Variants in FABP6 observed in about 807,000 individuals in gnomAD.
FABP6 encodes the protein gastrotropin.
A neutral mutation model predicts 14.9 loss-of-function variants in FABP6; 13 were observed. The ratio of observed to expected loss-of-function variants is 0.87; its 90% CI spans 0.57 to 1.39. The LOEUF (loss-of-function observed/expected upper bound fraction) is 1.39, where lower values mean the gene tolerates loss of function less well. FABP6 is among the 40% of genes most tolerant of loss of function. The probability of loss-of-function intolerance (pLI) is 0.00; values close to 1 mark genes in which losing one functional copy is unlikely to be tolerated. For synonymous variants in FABP6, 75 were observed against 63.6 expected, an observed-to-expected ratio of 1.18 and a Z score of -0.85; for missense variants, 161 against 167.2, an observed-to-expected ratio of 0.96 and a Z score of 0.20.
chr5:160,193,935 G>C (rs1010576044), intron 1 of FABP6, among the ~76,000 whole-genome samples: 2 of 152,250 alleles, frequency 1.3e-5, no homozygotes, highest in Non-Finnish European at 1.5e-5. Flanking sequence ...ACTGGGCGCC[G>C]TGGGGCAGGG....
intron 2 of FABP6, among the ~76,000 whole-genome samples, chr5:160,211,728 A>T (rs1759894592): frequency 6.6e-6 from 1 of 152,164 alleles, no homozygotes; most frequent in African/African-American, 2.4e-5. Context: ...GTTACTCCAT[A>T]CGTTTCCAAA....
At chr5:160,211,935 T>C (rs1759898999) in intron 2 of FABP6, among the ~76,000 whole-genome samples, 1 of 150,364 alleles carries the variant, frequency 6.7e-6, no homozygotes, top group Non-Finnish European at 1.5e-5. Context: ...ATATCTCAGA[T>C]AGAAAAACAA....
intron 1 of FABP6, 132 bp downstream of exon 1, chr5:160,229,756 C>A: frequency 1.4e-6 from 1 of 723,796 alleles, no homozygotes; most frequent in Non-Finnish European, 2.3e-6. Context: ...TTCATTCACA[C>A]ATTTGTTGAG....
At chr5:160,237,523 A>G (rs1760543355) in intron 3 of FABP6, among the ~76,000 whole-genome samples, 1 of 151,934 alleles carries the variant, frequency 6.6e-6, no homozygotes. Flanking sequence ...TAGACAGTGC[A>G]TTTTGTAAGC....
At chr5:160,197,136 T>A (rs1759525875) in intron 1 of FABP6, 1 of 152,228 alleles carries the variant, frequency 6.6e-6, no homozygotes, top group Non-Finnish European at 1.5e-5. Flanking sequence ...TGTGCAGCCC[T>A]CCACAGGGGC....
At chr5:160,207,880 C>T (rs1367867720) in intron 2 of FABP6, among the ~76,000 whole-genome samples, 9 of 152,056 alleles carry the variant, frequency 5.9e-5, no homozygotes, top group African/African-American at 1.9e-4. Flanking sequence ...CCTGCCACCA[C>T]GCCCAGCTAA....
In FABP6 at chr5:160,202,398, A is replaced by G. The variant is rs1214958688; in HGVS notation, c.51+3241A>G. Among the ~76,000 whole-genome samples, 3 of 152,206 alleles carry G rather than the reference A, an allele frequency of 2.0e-5. No individual in the cohort carries two copies. In the East Asian group the frequency reaches 5.8e-4, roughly 29 times the overall value. ...ACAATACCCCATGTACCCACAGCCCAGCTCCATACTGATCAACATGGCCAA... is the reference window on the plus strand; with the variant it reads ...ACAATACCCCATGTACCCACAGCCCGGCTCCATACTGATCAACATGGCCAA... On this transcript the variant is annotated intron_variant, in intron 2 of 6. Coordinates refer to the FABP6 transcript ENST00000393980.
At chr5:160,215,686 A>G (rs1197717219) in intron 3 of FABP6, among the ~76,000 whole-genome samples, 1 of 75,670 alleles carries the variant, frequency 1.3e-5, no homozygotes, top group South Asian at 6.0e-4. Flanking sequence ...AGACCTTGTC[A>G]AAAAAAAAAA....
At chr5:160,216,572 C>T (rs891362837) in intron 3 of FABP6, among the ~76,000 whole-genome samples, 1 of 152,054 alleles carries the variant, frequency 6.6e-6, no homozygotes, top group African/African-American at 2.4e-5. Context: ...CTGCCTGGCC[C>T]TCATTGTAAC....
intron 3 of FABP6, among the ~76,000 whole-genome samples, chr5:160,220,069 TG>T (rs1760099400): frequency 6.6e-6 from 1 of 152,164 alleles, no homozygotes; most frequent in African/African-American, 2.4e-5. Context: ...GCTTGAGGCC[TG>T]GAAGGGATCA....
intron 2 of FABP6, among the ~76,000 whole-genome samples, chr5:160,206,795 C>A (rs555056042): frequency 1.3e-5 from 2 of 152,292 alleles, no homozygotes; most frequent in East Asian, 3.9e-4. Flanking sequence ...CAGACCAGAA[C>A]ACCACTGAGG....
chr5:160,204,398 C>G (rs1443327881), intron 2 of FABP6, among the ~76,000 whole-genome samples: 1 of 152,102 alleles, frequency 6.6e-6, no homozygotes, highest in East Asian at 1.9e-4. Context: ...TGAAATTCCA[C>G]GAAGGGCACA....
intron 2 of FABP6, among the ~76,000 whole-genome samples, chr5:160,204,550 C>T (rs1233162246): frequency 4.0e-5 from 6 of 151,872 alleles, no homozygotes; most frequent in African/African-American, 7.3e-5. Flanking sequence ...AGTGCAGTGG[C>T]GCAATCTTGG....
intron 3 of FABP6, among the ~76,000 whole-genome samples, chr5:160,223,717 G>T (rs139315746): frequency 6.6e-6 from 1 of 151,642 alleles, no homozygotes; most frequent in African/African-American, 2.4e-5. Flanking sequence ...GTGAGCTGCT[G>T]TGCCCTGCCA....
chr5:160,212,600 A>G (rs1349323826), intron 2 of FABP6, among the ~76,000 whole-genome samples: 1 of 150,752 alleles, frequency 6.6e-6, no homozygotes, highest in Non-Finnish European at 1.5e-5. Context: ...TCCTGAGTAG[A>G]TGGGACTACA....
At chr5:160,231,779 T>C (rs908385925) in intron 1 of FABP6, among the ~76,000 whole-genome samples, 1 of 152,186 alleles carries the variant, frequency 6.6e-6, no homozygotes, top group Non-Finnish European at 1.5e-5. Flanking sequence ...TTGGTTATTA[T>C]TGATGAGCAC....
chr5:160,231,396 C>T (rs4921119), intron 1 of FABP6, among the ~76,000 whole-genome samples: 141,303 of 152,298 alleles, frequency 0.93, 65,714 homozygotes, highest in East Asian at 1. Flanking sequence ...CACAGTCTTT[C>T]TCTGGCAGGG....
At chr5:160,211,061 ATCT>A (rs1759880339) in intron 2 of FABP6, among the ~76,000 whole-genome samples, 1 of 152,132 alleles carries the variant, frequency 6.6e-6, no homozygotes, top group Admixed American at 6.6e-5. Context: ...ATGCCTCTCA[ATCT>A]TCTTCCTTCT....
chr5:160,188,894 G>T (rs1759343557), intron 1 of FABP6, among the ~76,000 whole-genome samples: 1 of 152,212 alleles, frequency 6.6e-6, no homozygotes, highest in Non-Finnish European at 1.5e-5. Context: ...TATCTGGGTG[G>T]TGCTTATCCA....
Sources: gnomAD v4.1 joint callset for allele counts (sites outside exome capture counted in the v4.1 genomes callset) on GRCh38, gnomAD v4.1.1 for gene constraint, MANE v1.5 for transcripts, NCBI Gene and HGNC (gene_info 2026-07-23, HGNC 2026-07-21) for gene names.